CARS1: variants seen among roughly 807,000 people sequenced by gnomAD.
CARS1 encodes the protein cysteinyl-tRNA synthetase 1, also known as cysteine--tRNA ligase, cytoplasmic.
In CARS1, 48 loss-of-function variants were observed where a neutral mutation model predicts 106.2. The ratio of observed to expected loss-of-function variants is 0.45; its 90% CI spans 0.36 to 0.57. The LOEUF (loss-of-function observed/expected upper bound fraction) is 0.57, where lower values mean the gene tolerates loss of function less well. Among genes scored for constraint, CARS1 ranks in the 20% least tolerant of loss-of-function variants. The probability of loss-of-function intolerance (pLI) is 0.00; values close to 1 mark genes in which losing one functional copy is unlikely to be tolerated. For missense variants in CARS1, 968 were observed against 1,057.2 expected (o/e 0.92, Z 1.17); for synonymous variants, 409 against 403.4 (o/e 1.01, Z -0.17).
chr11:3,041,194 G>A lies in CARS1; in HGVS notation c.367-210C>T. The A allele has an allele frequency of 3.3e-6, 2 of 602,560 alleles. No homozygotes were observed. Among genetic ancestry groups the A allele is most frequent in the Non-Finnish European group, 5.6e-6 (2 of 358,020 alleles). The allele number at this position is 602,560 out of a possible 1,614,324, so 37.3% of individuals were successfully genotyped here. On this transcript the variant is annotated intron_variant, in intron 3 of 22. Coordinates refer to ENST00000380525, the MANE Select transcript of CARS1 (RefSeq NM_001014437.3). The surrounding 1 kb of genome is among the most constrained non-coding windows in gnomAD (Gnocchi z 4.9). ...CCCACCAACTGAGCCCTGGGTGGGT[G>A]GGGCCTCTTCCTCCCTGGGGTTCTA...
intron 17 of CARS1, among the ~76,000 whole-genome samples, chr11:3,012,664 A>ACAT (rs1319514682): frequency 2.0e-5 from 3 of 152,178 alleles, no homozygotes; most frequent in African/African-American, 7.2e-5. Flanking sequence ...GAGCCCAAGG[A>ACAT]CATCACTCCC....
chr11:3,057,171 A>ACACCCCTCAGACCTCGGGCACTGC (rs1420405007), intron 1 of CARS1, among the ~76,000 whole-genome samples, 172 bp downstream of exon 1: 2 of 149,954 alleles, frequency 1.3e-5, no homozygotes, highest in Non-Finnish European at 3.0e-5. Flanking sequence ...CCGCGCACTG[A>ACACCCCTCAGACCTCGGGCACTGC]CACCCCTCAG....
chr11:3,002,489 C>T, intron 21 of CARS1, 52 bp downstream of exon 21: 1 of 1,608,386 alleles, frequency 6.2e-7, no homozygotes, highest in South Asian at 1.1e-5. Flanking sequence ...GGCATGGGGT[C>T]AGGGTGCACT....
rs200671373 is a variant in CARS1 at position 3,005,368 on chromosome 11, G to A, written c.2215C>T (p.Arg739Trp). The A allele has an allele frequency of 1.7e-5, 27 of 1,608,584 alleles. No homozygotes were observed. Among genetic ancestry groups the A allele is most frequent in the East Asian group, 2.2e-5 (1 of 44,834 alleles). ...TAAGTCATTTTCACTTTACTCACCCGTCTCTTTTCTTCTCTCTCTTTTAAT... is the reference window on the plus strand; with the variant it reads ...TAAGTCATTTTCACTTTACTCACCCATCTCTTTTCTTCTCTCTCTTTTAAT... ...TLLKEREEKRRVEEEKRKKKE... is the reference protein window; with the variant it reads ...TLLKEREEKRWVEEEKRKKKE... Residue 739 changes from arginine to tryptophan, a missense_variant and splice_region_variant, in exon 20 of 23, where the codon CGG becomes TGG. Transcript: ENST00000380525.
chr11:3,037,472 G>A lies in CARS1; in HGVS notation c.801+578C>T, dbSNP rs1025071078. 6.6e-6 allele frequency among the ~76,000 whole-genome samples: 1 copy of A among 152,176 alleles called. No individual in the cohort carries two copies. Among genetic ancestry groups the A allele is most frequent in the African/African-American group, 2.4e-5 (1 of 41,458 alleles). On this transcript the variant is annotated intron_variant, in intron 7 of 22. Transcript: ENST00000380525. The surrounding 1 kb of genome is among the most constrained non-coding windows in gnomAD (Gnocchi z 5.9). ...AAAGGGTGACCAGCAGGCGGCGCTG[G>A]CACAAAGGAGAAGGCCTTCCTGACT...
intron 17 of CARS1, among the ~76,000 whole-genome samples, chr11:3,012,884 CTTT>C (rs768906268): frequency 5.1e-5 from 6 of 116,902 alleles, no homozygotes; most frequent in African/African-American, 1.1e-4. Flanking sequence ...CTATATTTCC[CTTT>C]TTTTTTTTTT....
At chr11:3,012,319 T>C (rs763020100) in intron 17 of CARS1, 43 bp from the exon 18 acceptor site, 9 of 1,534,668 alleles carry the variant, frequency 5.9e-6, no homozygotes, top group Admixed American at 5.0e-5. Context: ...CTGCTCACAC[T>C]CCCATATTCA....
In CARS1 at chr11:3,043,822, G is replaced by C. The variant is rs1047557123; in HGVS notation, c.275-1566C>G. ...AGGGCGGCTGCACTGTGTCTGGGCA[G>C]TGGGGGTACTGTGGGCAGGTGGGAG... On this transcript the variant is annotated intron_variant, in intron 2 of 22. Coordinates refer to ENST00000380525, the MANE Select transcript of CARS1 (RefSeq NM_001014437.3). The surrounding 1 kb of genome is among the most constrained non-coding windows in gnomAD (Gnocchi z 4.0). Among the ~76,000 whole-genome samples, 9 of 152,166 alleles carry C rather than the reference G, an allele frequency of 5.9e-5. No individual in the cohort carries two copies. Among genetic ancestry groups the C allele is most frequent in the Admixed American group, 6.5e-5 (1 of 15,282 alleles).
chr11:3,008,965 C>CCCTGCCT lies in CARS1; in HGVS notation c.2069-2007_2069-2006insAGGCAGG, dbSNP rs1850179353. ...CCCCAGCCCACCCGCCATGGGTGAT[C>CCCTGCCT]ATCAGAGCAGGCACCAAGAAAGCCT... is the stretch of plus-strand genomic sequence containing the variant. On this transcript the variant is annotated intron_variant, in intron 18 of 22. Transcript: ENST00000380525. This position sits in a 1 kb window ranked among gnomAD's most constrained non-coding sequence, Gnocchi z 5.1. 6.6e-6 allele frequency: 1 copy of CCCTGCCT among 152,340 alleles called. No homozygotes were observed. The highest frequency in any genetic ancestry group is 1.9e-4 in the East Asian group (1 of 5,186). The allele number at this position is 152,340 out of a possible 1,614,324, so 9.4% of individuals were successfully genotyped here.
At position 3,020,163 on chromosome 11, in the gene CARS1, T is replaced by C; in HGVS notation, c.1266+57A>G. 2.0e-6 allele frequency: 2 copies of C among 1,014,398 alleles called. No homozygotes were observed. Among genetic ancestry groups the C allele is most frequent in the Admixed American group, 1.7e-5 (1 of 59,056 alleles). The allele number at this position is 1,014,398 out of a possible 1,614,324, so 62.8% of individuals were successfully genotyped here. The stretch of plus-strand genomic sequence containing the variant: ...CGGCCCTCTGCTGGGGGCCTGAGAG[T>C]GTGGCTGGCGCCAGTGCCCCTGTCC... On this transcript the variant is annotated intron_variant, in intron 11 of 22. Transcript: ENST00000380525. This position sits in a 1 kb window ranked among gnomAD's most constrained non-coding sequence, Gnocchi z 4.6.
At chr11:3,016,204 G>A (rs1269696429) in intron 16 of CARS1, among the ~76,000 whole-genome samples, 3 of 150,482 alleles carry the variant, frequency 2.0e-5, no homozygotes, top group African/African-American at 7.4e-5. Context: ...AGGAGGCCTT[G>A]TCCCTGGTTT....
rs564048646 is a variant in CARS1, at chr11:3,055,225, A to G, written c.25+2118T>C. On this transcript the variant is annotated intron_variant, in intron 1 of 22. Coordinates refer to ENST00000380525, the MANE Select transcript of CARS1 (RefSeq NM_001014437.3). ...GCCCAGGCTGGAGTGCAGTGGCGCAATCTCGACTCACTGCAAGCTCCGCCT... is the reference window on the plus strand; with the variant it reads ...GCCCAGGCTGGAGTGCAGTGGCGCAGTCTCGACTCACTGCAAGCTCCGCCT... Among the ~76,000 whole-genome samples, 5 of 152,266 alleles carry G rather than the reference A, an allele frequency of 3.3e-5. No individual in the cohort carries two copies. In the East Asian group the frequency reaches 9.6e-4, roughly 29 times the overall value.
rs1348864950 is a variant in CARS1, at chr11:3,034,132, G to A, written c.801+3918C>T. Reference sequence around the variant, plus strand: ...ACAGAATTAAGAGACACAAACACATGCCAACATGTAACAGAGATGAATTCG... The same window carrying A: ...ACAGAATTAAGAGACACAAACACATACCAACATGTAACAGAGATGAATTCG... On this transcript the variant is annotated intron_variant, in intron 7 of 22. Coordinates refer to ENST00000380525, the MANE Select transcript of CARS1 (RefSeq NM_001014437.3). This position sits in a 1 kb window ranked among gnomAD's most constrained non-coding sequence, Gnocchi z 6.3. 6.6e-6 allele frequency among the ~76,000 whole-genome samples: 1 copy of A among 152,054 alleles called. No individual in the cohort carries two copies. Among genetic ancestry groups the A allele is most frequent in the Non-Finnish European group, 1.5e-5 (1 of 68,022 alleles).
chr11:3,027,051 C>A, intron 9 of CARS1: 3 of 419,932 alleles, frequency 7.1e-6, no homozygotes, highest in South Asian at 3.3e-5. Context: ...CCATGCAGCT[C>A]CCACCCTGCC....
chr11:3,010,711 C>G (rs1446581445), intron 18 of CARS1, among the ~76,000 whole-genome samples: 1 of 152,254 alleles, frequency 6.6e-6, no homozygotes, highest in Non-Finnish European at 1.5e-5. Flanking sequence ...GAAACTCTTT[C>G]CTGCCCTCCT....
intron 21 of CARS1, 90 bp downstream of exon 21, chr11:3,002,451 A>G (rs952337388): frequency 6.3e-7 from 1 of 1,575,976 alleles, no homozygotes; most frequent in Non-Finnish European, 8.6e-7. Context: ...GGCCTGGCTA[A>G]GGTCCACGGA....
Position 3,029,081 on chromosome 11 carries a change from G to T in CARS1, c.946C>A (p.Leu316Ile), listed in dbSNP as rs770028041. ...ACCCGGGTTAAGACATCTGGAGGGA[G>T]AACCTGTGCAAGACATGAGAATGTC... ...FHRDMEALNV[L>I]PPDVLTRVSE... Residue 316 changes from leucine (L) to isoleucine (I), a missense_variant, in exon 9 of 23, where the codon CTC (leucine) becomes ATC (isoleucine). Transcript: ENST00000380525. The surrounding 1 kb of genome is among the most constrained non-coding windows in gnomAD (Gnocchi z 5.9). The T allele has an allele frequency of 6.2e-7, 1 of 1,609,836 alleles. No homozygotes were observed. Among genetic ancestry groups the T allele is most frequent in the East Asian group, 2.2e-5 (1 of 44,870 alleles).
chr11:3,047,006 G>C (rs541280615), intron 2 of CARS1, among the ~76,000 whole-genome samples: 1 of 152,146 alleles, frequency 6.6e-6, no homozygotes, highest in Non-Finnish European at 1.5e-5. Context: ...GGCCGGGCGC[G>C]GTGGTTCACA....
Position 3,029,663 on chromosome 11 carries a change from G to C in CARS1, c.802-220C>G, listed in dbSNP as rs1852508616. The stretch of plus-strand genomic sequence containing the variant: ...TGGGCAGGTCTCACATGAACTCAGA[G>C]GAGCAAAGCCAAGGGGACTGTGGGT... On this transcript the variant is annotated intron_variant, in intron 7 of 22. Transcript: ENST00000380525. The surrounding 1 kb of genome is among the most constrained non-coding windows in gnomAD (Gnocchi z 5.9). 1 of 555,594 alleles carries C rather than the reference G, an allele frequency of 1.8e-6. No individual in the cohort carries two copies. Among genetic ancestry groups the C allele is most frequent in the Non-Finnish European group, 3.2e-6 (1 of 316,474 alleles). The allele number at this position is 555,594 out of a possible 1,614,324, so 34.4% of individuals were successfully genotyped here.
Sources: allele counts gnomAD v4.1 joint callset (sites outside exome capture counted in the v4.1 genomes callset), GRCh38; gene constraint gnomAD v4.1.1; non-coding constraint Gnocchi (gnomAD v3.1); transcripts MANE v1.5; gene names NCBI Gene and HGNC (gene_info 2026-07-23, HGNC 2026-07-21).